GALNTL6: variants seen among roughly 807,000 people sequenced by gnomAD.
The protein encoded by GALNTL6 is polypeptide N-acetylgalactosaminyltransferase-like 6.
GALNTL6 carries 46 observed loss-of-function variants against 73.7 expected under a neutral mutation model. The ratio of observed to expected loss-of-function variants is 0.62; its 90% CI spans 0.49 to 0.80. The LOEUF is 0.80. Among genes scored for constraint, GALNTL6 ranks in the 30% least tolerant of loss-of-function variants. The pLI is 0.00. For missense variants in GALNTL6, 604 were observed against 755.0 expected, an observed-to-expected ratio of 0.80 and a Z score of 2.34; for synonymous variants, 259 against 263.7, an observed-to-expected ratio of 0.98 and a Z score of 0.17.
intron 5 of GALNTL6, among the ~76,000 whole-genome samples, chr4:172,628,777 A>G (rs1739270139): frequency 6.6e-6 from 1 of 152,156 alleles, no homozygotes; most frequent in South Asian, 2.1e-4. Flanking sequence ...GTGCTAGAAG[A>G]CTTTCTTAAA....
At chr4:172,783,680 G>T (rs1449605330) in intron 5 of GALNTL6, among the ~76,000 whole-genome samples, 3 of 151,768 alleles carry the variant, frequency 2.0e-5, no homozygotes, top group African/African-American at 7.3e-5. Context: ...AATAGGGCTG[G>T]TTCCTTCTGG....
chr4:173,007,573 G>A (rs372787890), intron 10 of GALNTL6, among the ~76,000 whole-genome samples: 29 of 152,306 alleles, frequency 1.9e-4, no homozygotes, highest in African/African-American at 6.5e-4. Flanking sequence ...TTGGGAGGCC[G>A]AGGCAGGTGG....
chr4:173,009,682 G>A (rs1311593931), intron 11 of GALNTL6, among the ~76,000 whole-genome samples: 1 of 152,162 alleles, frequency 6.6e-6, no homozygotes, highest in Admixed American at 6.5e-5. Flanking sequence ...TTCTGTGTTT[G>A]TGATGTCATC....
At chr4:172,212,503 T>A (rs1736359229) in intron 2 of GALNTL6, among the ~76,000 whole-genome samples, 1 of 152,048 alleles carries the variant, frequency 6.6e-6, no homozygotes, top group Non-Finnish European at 1.5e-5. Context: ...TCCCTGTTTT[T>A]CATGTAAAAT....
chr4:171,814,741 T>A, intron 2 of GALNTL6, 23 bp downstream of exon 2: 1 of 1,612,774 alleles, frequency 6.2e-7, no homozygotes. Context: ...CAGAGAAAGA[T>A]CACACAAGGA....
At chr4:172,627,263 T>G (rs987750537) in intron 5 of GALNTL6, among the ~76,000 whole-genome samples, 1 of 152,184 alleles carries the variant, frequency 6.6e-6, no homozygotes, top group African/African-American at 2.4e-5. Flanking sequence ...ATATGGCTTT[T>G]GTTTTTAATT....
intron 3 of GALNTL6, among the ~76,000 whole-genome samples, chr4:172,230,506 G>C (rs976056538): frequency 1.3e-4 from 19 of 141,626 alleles, no homozygotes; most frequent in Non-Finnish European, 1.9e-4. Context: ...AGAATGGCCC[G>C]GGGGGTGGAG....
At chr4:172,194,492 A>G (rs536309603) in intron 2 of GALNTL6, among the ~76,000 whole-genome samples, 1 of 152,150 alleles carries the variant, frequency 6.6e-6, no homozygotes, top group Non-Finnish European at 1.5e-5. Flanking sequence ...ACCACAAGGC[A>G]CATAAACTCC....
At chr4:172,173,133 A>G (rs1190535335) in intron 2 of GALNTL6, among the ~76,000 whole-genome samples, 1 of 152,210 alleles carries the variant, frequency 6.6e-6, no homozygotes, top group Non-Finnish European at 1.5e-5. Context: ...AGATATTACA[A>G]TTTTAGTAAA....
chr4:172,936,093 T>G (rs1490455479), intron 9 of GALNTL6, among the ~76,000 whole-genome samples: 1 of 152,184 alleles, frequency 6.6e-6, no homozygotes, highest in Admixed American at 6.5e-5. Flanking sequence ...ATGATCAAGT[T>G]GGCTTCATAC....
At position 172,208,643 on chromosome 4, in the gene GALNTL6, T is replaced by TA. The variant is rs568922459; in HGVS notation, c.139-21005dup. On this transcript the variant is annotated intron_variant, in intron 2 of 12. Transcript: ENST00000506823. ...AGGTCACAAAACAGAATTATATATTTAAAAAAAAGAATGCATTTTATAAAT... is the reference window on the plus strand; with the variant it reads ...AGGTCACAAAACAGAATTATATATTTAAAAAAAAAGAATGCATTTTATAAAT... Among the ~76,000 whole-genome samples the TA allele has an allele frequency of 4.2e-4, 64 of 152,050 alleles. No homozygotes were observed. The East Asian group carries it at 6.0e-3, about 14-fold the overall frequency.
At chr4:172,241,502 C>T (rs574648021) in intron 3 of GALNTL6, among the ~76,000 whole-genome samples, 41 of 152,304 alleles carry the variant, frequency 2.7e-4, no homozygotes, top group Non-Finnish European at 1.6e-4. Flanking sequence ...AGATTATTCA[C>T]ATTTGTTAAT....
intron 5 of GALNTL6, among the ~76,000 whole-genome samples, chr4:172,407,148 C>T (rs776070231): frequency 2.0e-5 from 3 of 151,948 alleles, no homozygotes; most frequent in East Asian, 3.9e-4. Flanking sequence ...TTTTTATATT[C>T]GCACTTTATC....
At chr4:172,875,769 A>ACAC (rs59156471) in intron 7 of GALNTL6, among the ~76,000 whole-genome samples, 7 of 151,010 alleles carry the variant, frequency 4.6e-5, no homozygotes, top group Admixed American at 6.6e-5. Context: ...ACACACACAC[A>ACAC]AATAAGAACA....
chr4:172,797,519 A>T (rs550152332), intron 5 of GALNTL6, among the ~76,000 whole-genome samples: 4 of 152,210 alleles, frequency 2.6e-5, no homozygotes, highest in Non-Finnish European at 4.4e-5. Flanking sequence ...TGCTAGGGTT[A>T]CAGGAGTGAG....
At chr4:172,832,357 G>A (rs778433642) in intron 7 of GALNTL6, among the ~76,000 whole-genome samples, 46 of 152,074 alleles carry the variant, frequency 3.0e-4, no homozygotes, top group Non-Finnish European at 4.9e-4. Flanking sequence ...TCCACCAACT[G>A]GCATTCAATG....
At chr4:172,635,729 A>G (rs565261749) in intron 5 of GALNTL6, among the ~76,000 whole-genome samples, 7 of 152,280 alleles carry the variant, frequency 4.6e-5, no homozygotes, top group Admixed American at 2.0e-4. Flanking sequence ...ATCAGATCCA[A>G]GTTTGGCACA....
intron 7 of GALNTL6, among the ~76,000 whole-genome samples, chr4:172,825,480 T>C (rs1029561587): frequency 6.6e-6 from 1 of 152,162 alleles, no homozygotes; most frequent in African/African-American, 2.4e-5. Flanking sequence ...CGTGTTTTTC[T>C]ATCAGTGGGA....
intron 11 of GALNTL6, among the ~76,000 whole-genome samples, chr4:173,021,240 T>C (rs1388494356): frequency 2.0e-5 from 3 of 152,120 alleles, no homozygotes; most frequent in Admixed American, 6.5e-5. Context: ...TGGTACCTGA[T>C]TGGAAACTCT....
Sources: gnomAD v4.1 joint callset for allele counts (sites outside exome capture counted in the v4.1 genomes callset) on GRCh38, gnomAD v4.1.1 for gene constraint, MANE v1.5 for transcripts, NCBI Gene and HGNC (gene_info 2026-07-23, HGNC 2026-07-21) for gene names.